The following ERLIN2 variants were observed in gnomAD, a reference collection of about 807,000 sequenced individuals.
ERLIN2 encodes erlin-2.
In ERLIN2, 22 loss-of-function variants were observed where a neutral mutation model predicts 41.5. The ratio of observed to expected loss-of-function variants is 0.53; its 90% CI spans 0.38 to 0.76. The LOEUF is 0.76. ERLIN2 is among the 30% of genes least tolerant of loss of function. The pLI is 0.00. For synonymous variants in ERLIN2, 149 were observed against 150.9 expected, an observed-to-expected ratio of 0.99 and a Z score of 0.09; for missense variants, 247 against 414.3, an observed-to-expected ratio of 0.60 and a Z score of 3.51.
At position 37,740,386 on chromosome 8, in the gene ERLIN2, G is replaced by A. The variant is rs376188007; in HGVS notation, c.129G>A (p.Ser43=). Residue 43 remains serine (S), a synonymous_variant, in exon 3 of 12, where the codon TCG becomes TCA. Coordinates refer to ENST00000519638, the MANE Select transcript of ERLIN2 (RefSeq NM_007175.8). ...VYYRGGALLT[S]TSGPGFHLML... Reference sequence around the variant, plus strand: ...GCAGAGGCGGTGCCCTGCTGACTTCGACCAGCGGCCCTGGTTTCCATCTCA... The same window carrying A: ...GCAGAGGCGGTGCCCTGCTGACTTCAACCAGCGGCCCTGGTTTCCATCTCA... The A allele has an allele frequency of 1.7e-5, 27 of 1,612,566 alleles. No individual in the cohort carries two copies. The highest frequency in any genetic ancestry group is 1.7e-4 in the Middle Eastern group (1 of 6,054).
At chr8:37,744,291 C>A in intron 4 of ERLIN2, 64 bp from the exon 5 acceptor site, 1 of 1,361,560 alleles carries the variant, frequency 7.3e-7, no homozygotes, top group South Asian at 1.2e-5. Context: ...ACGCCATCAC[C>A]CTGGGGGACT....
rs1803360884 is a variant in ERLIN2, at chr8:37,756,417, T to C, written c.*2302T>C. 1 of 152,498 alleles carries C rather than the reference T, an allele frequency of 6.6e-6. No individual in the cohort carries two copies. Among genetic ancestry groups the C allele is most frequent in the Non-Finnish European group, 1.5e-5 (1 of 68,046 alleles). 9.4% of individuals were successfully genotyped at this position (152,498 alleles called of 1,614,324 possible). ...GGGAGCAGGGATAGCTCAGCTTCTC[T>C]GAATAGCACACTTTGCTCAGGTCTT... On this transcript the variant is annotated 3_prime_UTR_variant, in exon 12 of 12. Coordinates refer to ENST00000519638, the MANE Select transcript of ERLIN2 (RefSeq NM_007175.8).
chr8:37,740,756 A>C (rs1802823046), intron 3 of ERLIN2: 1 of 152,622 alleles, frequency 6.6e-6, no homozygotes, highest in African/African-American at 2.4e-5. Flanking sequence ...TTAAATGGAA[A>C]GAAAACATAG....
At position 37,737,965 on chromosome 8, in the gene ERLIN2, T is replaced by C. The variant is rs1469150049; in HGVS notation, c.43T>C (p.Phe15Leu). The C allele has an allele frequency of 6.2e-7, 1 of 1,614,180 alleles. No homozygotes were observed. Among genetic ancestry groups the C allele is most frequent in the Non-Finnish European group, 8.5e-7 (1 of 1,180,006 alleles). ...AGTTGTGGCTGTGGCTTCCAGTTTC[T>C]TTTGTGCATCTCTCTTCTCAGCTGT... ...GAVVAVASSF[F>L]CASLFSAVHK... Residue 15 changes from phenylalanine to leucine, a missense_variant, in exon 2 of 12, where the codon TTT (phenylalanine) becomes CTT (leucine). Phe to Leu is a conservative substitution (Grantham distance 22). Around this residue, in one of 3 missense-constraint regions of ERLIN2, gnomAD observed 93 missense variants for 139.0 expected, o/e 0.67. Transcript: ENST00000519638.
chr8:37,741,187 A>G lies in ERLIN2; in HGVS notation c.190-585A>G, dbSNP rs889096452. ...AACTAGTACAACAGCCCTCCCCCTT[A>G]TCCACTATTTCACTTTCCACAGGCT... On this transcript the variant is annotated intron_variant, in intron 3 of 11. Transcript: ENST00000519638. The surrounding 1 kb of genome is among the most constrained non-coding windows in gnomAD (Gnocchi z 4.8). 6.6e-6 allele frequency among the ~76,000 whole-genome samples: 1 copy of G among 152,110 alleles called. No homozygotes were observed. Among genetic ancestry groups the G allele is most frequent in the Admixed American group, 6.5e-5 (1 of 15,270 alleles).
intron 6 of ERLIN2, chr8:37,747,372 T>G: frequency 6.9e-7 from 1 of 1,445,334 alleles, no homozygotes; most frequent in Non-Finnish European, 9.7e-7. Context: ...TCCCCTTCAT[T>G]TTCACTTTCT....
intron 4 of ERLIN2, among the ~76,000 whole-genome samples, chr8:37,744,101 T>G (rs1802951077): frequency 6.6e-6 from 1 of 152,258 alleles, no homozygotes; most frequent in African/African-American, 2.4e-5. Context: ...TGAGTTACTC[T>G]TTCGTACTGG....
At chr8:37,738,074 C>G in intron 2 of ERLIN2, 45 bp downstream of exon 2, 1 of 1,609,474 alleles carries the variant, frequency 6.2e-7, no homozygotes, top group Non-Finnish European at 8.5e-7. Context: ...TGTTAAATAG[C>G]TCCCTTTCCT....
chr8:37,756,935 C>G lies in ERLIN2; in HGVS notation c.*2820C>G, dbSNP rs959930680. On this transcript the variant is annotated 3_prime_UTR_variant, in exon 12 of 12. Transcript: ENST00000519638. ...TTGCAGAAGTGATTCATATTCAGTA[C>G]TGTTTTTAATCACTTTTTAAAATAT... 9 of 152,340 alleles carry G rather than the reference C, an allele frequency of 5.9e-5. No individual in the cohort carries two copies. Among genetic ancestry groups the G allele is most frequent in the Admixed American group, 5.9e-4 (9 of 15,274 alleles). The allele number at this position is 152,340 out of a possible 1,614,324, so 9.4% of individuals were successfully genotyped here. A position where few individuals can be genotyped will look rare whatever the true frequency, so the allele number is the denominator to read the frequency against.
chr8:37,744,267 A>C, intron 4 of ERLIN2, 88 bp from the exon 5 acceptor site: 1 of 1,147,030 alleles, frequency 8.7e-7, no homozygotes, highest in Non-Finnish European at 1.3e-6. Flanking sequence ...CTTTTCTGCC[A>C]AGCCCCACAT....
At chr8:37,746,767 T>A (rs754899335) in intron 6 of ERLIN2, among the ~76,000 whole-genome samples, 44 of 152,094 alleles carry the variant, frequency 2.9e-4, no homozygotes, top group Non-Finnish European at 5.0e-4. Flanking sequence ...GGCTCACCTA[T>A]AGCTTCAGTG....
intron 4 of ERLIN2, among the ~76,000 whole-genome samples, chr8:37,744,065 A>G (rs932132406): frequency 1.3e-5 from 2 of 152,222 alleles, no homozygotes; most frequent in Non-Finnish European, 2.9e-5. Context: ...CTGATTAATC[A>G]AAAGGCATTG....
At chr8:37,753,238 CT>C (rs1400881699) in intron 10 of ERLIN2, among the ~76,000 whole-genome samples, 5 of 152,246 alleles carry the variant, frequency 3.3e-5, no homozygotes. Flanking sequence ...TTTCAAAACA[CT>C]TTTTCATCTT....
At chr8:37,745,003 T>C (rs1013635444) in intron 6 of ERLIN2, 2 of 601,600 alleles carry the variant, frequency 3.3e-6, no homozygotes, top group Non-Finnish European at 5.9e-6. Flanking sequence ...ACTATCATTC[T>C]ATAATGAAGA....
intron 4 of ERLIN2, 90 bp from the exon 5 acceptor site, chr8:37,744,265 C>A: frequency 8.8e-7 from 1 of 1,134,912 alleles, no homozygotes; most frequent in Non-Finnish European, 1.3e-6. Flanking sequence ...TCCTTTTCTG[C>A]CAAGCCCCAC....
chr8:37,745,135 A>C (rs1802995582), intron 6 of ERLIN2: 1 of 509,190 alleles, frequency 2.0e-6, no homozygotes, highest in African/African-American at 1.9e-5. Context: ...AGTGGGGCTG[A>C]AACAGGAGCC....
At chr8:37,748,023 G>C (rs770881557) in intron 6 of ERLIN2, 1 of 1,601,978 alleles carries the variant, frequency 6.2e-7, no homozygotes. Flanking sequence ...GGAGCAACCT[G>C]AAAAACTCTA....
intron 6 of ERLIN2, chr8:37,745,318 T>C: frequency 1.8e-6 from 1 of 561,410 alleles, no homozygotes; most frequent in Non-Finnish European, 3.2e-6. Context: ...ACTCTGTACC[T>C]GTAGCAACGA....
rs1403799975 is a variant in ERLIN2 at position 37,754,097 on chromosome 8, G to A, written c.1002G>A (p.Thr334=). ...GCTTAGAAGATGAACCCTTGGAGAC[G>A]GCCACTAAGGAGAATTGAAAAAAAC... ...SFGLEDEPLE[T]ATKEN The change falls in exon 12 of 12, where the codon ACG becomes ACA. Residue 334 remains threonine, a synonymous_variant. Coordinates refer to ENST00000519638, the MANE Select transcript of ERLIN2 (RefSeq NM_007175.8). The A allele has an allele frequency of 5.0e-6, 8 of 1,613,550 alleles. No homozygotes were observed. Among genetic ancestry groups the A allele is most frequent in the African/African-American group, 1.3e-5 (1 of 74,986 alleles).
Sources: allele counts gnomAD v4.1 joint callset (sites outside exome capture counted in the v4.1 genomes callset), GRCh38; gene constraint gnomAD v4.1.1; regional missense constraint gnomAD v4.1.1; non-coding constraint Gnocchi (gnomAD v3.1); transcripts MANE v1.5; gene names NCBI Gene and HGNC (gene_info 2026-07-23, HGNC 2026-07-21).